ACYP2: variants seen among roughly 807,000 people sequenced by gnomAD.
The protein encoded by ACYP2 is acylphosphatase-2.
ACYP2 carries 12 observed loss-of-function variants against 11.2 expected under a neutral mutation model. The observed-to-expected ratio is 1.08, with a 90% CI of 0.69 to 1.74. The LOEUF (loss-of-function observed/expected upper bound fraction) is 1.74, where lower values mean the gene tolerates loss of function less well. ACYP2 is among the 40% of genes most tolerant of loss of function. The pLI is 0.00. For missense variants in ACYP2, 134 were observed against 101.9 expected, an observed-to-expected ratio of 1.31 and a Z score of -1.35; for synonymous variants, 43 against 32.2, an observed-to-expected ratio of 1.33 and a Z score of -1.13.
intron 4 of ACYP2, among the ~76,000 whole-genome samples, chr2:54,116,829 G>T (rs1413383865): frequency 6.6e-6 from 1 of 152,126 alleles, no homozygotes; most frequent in Non-Finnish European, 1.5e-5. Context: ...GGCTAGGGTT[G>T]GACCGCACAG....
chr2:54,101,523 G>T (rs184325291), intron 4 of ACYP2, among the ~76,000 whole-genome samples: 104 of 152,160 alleles, frequency 6.8e-4, no homozygotes, highest in South Asian at 1.7e-3. Flanking sequence ...ACCAAAATTA[G>T]CTGGGTATGG....
intron 2 of ACYP2, among the ~76,000 whole-genome samples, chr2:54,034,782 G>A (rs1021937742): frequency 5.9e-5 from 9 of 151,356 alleles, no homozygotes; most frequent in East Asian, 5.8e-4. Context: ...AGGCCGAGGC[G>A]GGTGGATCAC....
chr2:54,247,337 A>G (rs987183359), intron 6 of ACYP2, among the ~76,000 whole-genome samples: 3 of 152,074 alleles, frequency 2.0e-5, no homozygotes, highest in African/African-American at 4.8e-5. Flanking sequence ...TCCCCACCCA[A>G]AAAGACTCTT....
chr2:54,228,677 T>C (rs917282802), intron 6 of ACYP2, among the ~76,000 whole-genome samples: 1 of 149,972 alleles, frequency 6.7e-6, no homozygotes, highest in Non-Finnish European at 1.5e-5. Context: ...ACCCAAATAC[T>C]GAGATAATCA....
intron 6 of ACYP2, among the ~76,000 whole-genome samples, chr2:54,169,190 G>C (rs183558214): frequency 1.3e-5 from 2 of 152,292 alleles, no homozygotes; most frequent in African/African-American, 4.8e-5. Flanking sequence ...AGTTTCAGCA[G>C]TGAATCTTCC....
intron 6 of ACYP2, among the ~76,000 whole-genome samples, chr2:54,196,914 A>G (rs1317907657): frequency 6.6e-6 from 1 of 152,228 alleles, no homozygotes; most frequent in Non-Finnish European, 1.5e-5. Context: ...CGAGCGAAGT[A>G]GTACTGGTGG....
intron 6 of ACYP2, chr2:54,255,163 C>T: frequency 6.2e-7 from 1 of 1,614,178 alleles, no homozygotes; most frequent in Non-Finnish European, 8.5e-7. Context: ...GCCCCGGCGC[C>T]ACATGATTAG....
chr2:54,050,547 G>GA (rs58128669), intron 2 of ACYP2, among the ~76,000 whole-genome samples: 420 of 82,990 alleles, frequency 5.1e-3, no homozygotes, highest in African/African-American at 7.4e-3. Flanking sequence ...CCCCATCCCT[G>GA]AAAAAAAAAA....
intron 6 of ACYP2, among the ~76,000 whole-genome samples, chr2:54,217,238 G>T (rs1241623441): frequency 1.3e-5 from 2 of 152,164 alleles, no homozygotes; most frequent in Non-Finnish European, 2.9e-5. Context: ...TGTAATTACA[G>T]GAGTATTCTC....
intron 4 of ACYP2, among the ~76,000 whole-genome samples, chr2:54,128,872 G>T: frequency 6.6e-6 from 1 of 151,960 alleles, no homozygotes; most frequent in East Asian, 1.9e-4. Context: ...TCACTTCTCT[G>T]AAACACTCAA....
chr2:54,052,570 CA>C (rs889615576), intron 3 of ACYP2, among the ~76,000 whole-genome samples: 3 of 151,082 alleles, frequency 2.0e-5, no homozygotes, highest in East Asian at 1.9e-4. Context: ...ACTGTAATTG[CA>C]AAAAAAAGTC....
At chr2:53,980,174 A>G (rs1671680387) in intron 2 of ACYP2, among the ~76,000 whole-genome samples, 1 of 151,834 alleles carries the variant, frequency 6.6e-6, no homozygotes, top group Admixed American at 6.6e-5. Context: ...GCAACATAGC[A>G]AGACTCCATC....
At chr2:54,064,164 G>T (rs752550371) in intron 4 of ACYP2, among the ~76,000 whole-genome samples, 5 of 151,868 alleles carry the variant, frequency 3.3e-5, no homozygotes, top group Non-Finnish European at 7.4e-5. Context: ...TTTTTTGGCT[G>T]CTCAGCATTT....
chr2:54,114,807 A>G (rs1301714219), intron 4 of ACYP2, among the ~76,000 whole-genome samples: 3 of 151,016 alleles, frequency 2.0e-5, no homozygotes, highest in Non-Finnish European at 4.4e-5. Flanking sequence ...AAAGTTTCTT[A>G]TCCCAGAAAA....
chr2:54,141,938 A>T, intron 6 of ACYP2: 2 of 597,666 alleles, frequency 3.3e-6, no homozygotes, highest in South Asian at 4.1e-5. Context: ...TCTGGGCTCA[A>T]GTGATCTTCC....
At chr2:54,231,584 G>C (rs939202508) in intron 6 of ACYP2, among the ~76,000 whole-genome samples, 2 of 152,150 alleles carry the variant, frequency 1.3e-5, no homozygotes, top group Admixed American at 1.3e-4. Flanking sequence ...ACCTCTCTGA[G>C]TTTGTTTCCT....
chr2:54,194,013 C>T (rs17045583), intron 6 of ACYP2, among the ~76,000 whole-genome samples: 35,041 of 152,050 alleles, frequency 0.23, 4,197 homozygotes, highest in East Asian at 0.38. Context: ...AGCCTTAGGA[C>T]TGATCATCTT....
chr2:54,007,600 T>C (rs1197733761), intron 2 of ACYP2, among the ~76,000 whole-genome samples: 2 of 151,632 alleles, frequency 1.3e-5, no homozygotes, highest in Non-Finnish European at 2.9e-5. Flanking sequence ...ATGTGGTGGC[T>C]CACACCTGTA....
intron 6 of ACYP2, among the ~76,000 whole-genome samples, chr2:54,174,018 CTT>C (rs1683332562): frequency 6.6e-6 from 1 of 152,170 alleles, no homozygotes; most frequent in South Asian, 2.1e-4. Flanking sequence ...AATGCGGACT[CTT>C]TTTTGGTTCC....
Sources: gnomAD v4.1 joint callset for allele counts (sites outside exome capture counted in the v4.1 genomes callset) on GRCh38, gnomAD v4.1.1 for gene constraint, MANE v1.5 for transcripts, NCBI Gene and HGNC (gene_info 2026-07-23, HGNC 2026-07-21) for gene names.